NCOR1: variants seen among roughly 807,000 people sequenced by gnomAD.
NCOR1 encodes nuclear receptor corepressor 1.
In NCOR1, 63 loss-of-function variants were observed where a neutral mutation model predicts 288.1. The observed-to-expected ratio is 0.22, with a 90% CI of 0.18 to 0.27. The LOEUF (loss-of-function observed/expected upper bound fraction) is 0.27. Ranked by LOEUF, NCOR1 falls within the 10% of genes least tolerant of loss-of-function variation. The probability of loss-of-function intolerance (pLI) is 1.00; values close to 1 mark genes in which losing one functional copy is unlikely to be tolerated. For synonymous variants in NCOR1, 1,007 were observed against 1,065.9 expected (o/e 0.94, Z 1.08); for missense variants, 2,397 against 3,019.2 (o/e 0.79, Z 4.83).
At chr17:16,080,383 A>G (rs763765972) in intron 25 of NCOR1, 25 bp downstream of exon 25, 36 of 1,569,188 alleles carry the variant, frequency 2.3e-5, no homozygotes, top group Non-Finnish European at 3.1e-5. Flanking sequence ...AAAGTTTAAC[A>G]TTTCTGCCAA....
intron 14 of NCOR1, among the ~76,000 whole-genome samples, chr17:16,126,858 T>C (rs185251456): frequency 1.5e-4 from 23 of 152,284 alleles, no homozygotes; most frequent in South Asian, 1.2e-3. Context: ...TGAAACTAAG[T>C]GTGCAATGAA....
intron 9 of NCOR1, among the ~76,000 whole-genome samples, chr17:16,148,527 G>A (rs1177257906): frequency 2.0e-5 from 3 of 151,642 alleles, no homozygotes; most frequent in Non-Finnish European, 4.4e-5. Flanking sequence ...TAAGCAAATC[G>A]GTGAAAATAC....
At chr17:16,087,858 C>T (rs550478260) in intron 22 of NCOR1, among the ~76,000 whole-genome samples, 1 of 152,254 alleles carries the variant, frequency 6.6e-6, no homozygotes, top group African/African-American at 2.4e-5. Flanking sequence ...AATATAACTA[C>T]AATAATACTA....
rs1054870274 is a variant in NCOR1, at chr17:16,154,664, G to A, written c.733-1269C>T. Among the ~76,000 whole-genome samples the A allele has an allele frequency of 2.0e-5, 3 of 152,328 alleles. No individual in the cohort carries two copies. The East Asian group carries it at 5.8e-4, about 29-fold the overall frequency. Reference sequence around the variant, plus strand: ...GGGCAAGGGCCAGGCGGGTAAGCATGTAAACATCAATAAAGGCTTCGGCTA... The same window carrying A: ...GGGCAAGGGCCAGGCGGGTAAGCATATAAACATCAATAAAGGCTTCGGCTA... On this transcript the variant is annotated intron_variant, in intron 6 of 45. Coordinates refer to ENST00000268712, the MANE Select transcript of NCOR1 (RefSeq NM_006311.4).
At chr17:16,064,478 C>T (rs1481420350) in intron 34 of NCOR1, among the ~76,000 whole-genome samples, 1 of 151,882 alleles carries the variant, frequency 6.6e-6, no homozygotes, top group Non-Finnish European at 1.5e-5. Context: ...TGGCGCGCAC[C>T]TGTAATCCCA....
At chr17:16,110,777 C>T (rs2069942275) in intron 18 of NCOR1, among the ~76,000 whole-genome samples, 1 of 152,210 alleles carries the variant, frequency 6.6e-6, no homozygotes, top group Admixed American at 6.5e-5. Flanking sequence ...TAGGATCCAA[C>T]TAAAATATTA....
intron 8 of NCOR1, 135 bp downstream of exon 8, chr17:16,151,811 T>G: frequency 1.1e-6 from 1 of 944,268 alleles, no homozygotes; most frequent in Admixed American, 2.5e-5. Flanking sequence ...TAACATATAA[T>G]AAAACGACAG....
intron 18 of NCOR1, among the ~76,000 whole-genome samples, chr17:16,114,720 G>A (rs368740133): frequency 4.6e-5 from 7 of 152,222 alleles, no homozygotes; most frequent in Middle Eastern, 3.2e-3. Flanking sequence ...CGTCCAGGTC[G>A]TGCTGATGCA....
chr17:16,181,207 A>ATGTGTGTGTGTG (rs1422388328), intron 3 of NCOR1, among the ~76,000 whole-genome samples: 72 of 85,800 alleles, frequency 8.4e-4, no homozygotes, highest in East Asian at 7.2e-3. Flanking sequence ...ATACATATAT[A>ATGTGTGTGTGTG]TGTATGTGTG....
At position 16,067,945 on chromosome 17, in the gene NCOR1, G is replaced by A. The variant is rs2152697889; in HGVS notation, c.4690C>T (p.Leu1564=). The change falls in exon 32 of 46, where the codon CTG becomes TTG. Residue 1564 remains leucine, a synonymous_variant. Coordinates refer to ENST00000268712, the MANE Select transcript of NCOR1 (RefSeq NM_006311.4). ...ATGGCTGGATCCAAGTGCGTGGGCA[G>A]GTGGCTCCGATAAACCTCGCCTGCA... ...STAGEVYRSH[L]PTHLDPAMPF... is the part of the protein sequence containing the mutation. 6.2e-7 allele frequency: 1 copy of A among 1,614,212 alleles called. No individual in the cohort carries two copies. The highest frequency in any genetic ancestry group is 8.5e-7 in the Non-Finnish European group (1 of 1,180,034).
At chr17:16,087,395 A>T (rs994729486) in intron 22 of NCOR1, 1 of 1,223,918 alleles carries the variant, frequency 8.2e-7, no homozygotes, top group African/African-American at 1.6e-5. Flanking sequence ...AAATTAAAAT[A>T]GTAAGTGTGA....
At chr17:16,196,163 TATATA>T (rs1190005921) in intron 1 of NCOR1, among the ~76,000 whole-genome samples, 3 of 149,490 alleles carry the variant, frequency 2.0e-5, no homozygotes, top group African/African-American at 7.3e-5. Context: ...TATATAATTT[TATATA>T]TATAAAATCT....
chr17:16,137,887 A>C (rs1430352144), intron 13 of NCOR1: 4 of 356,954 alleles, frequency 1.1e-5, no homozygotes, highest in Non-Finnish European at 1.5e-5. Context: ...CTGATATTTT[A>C]ATTAGAAATT....
Position 16,065,928 on chromosome 17 carries a change from T to G in NCOR1, c.4742-234A>C, listed in dbSNP as rs1598106357. ...GGAAGGATAACAGTAGCTAAAAACT[T>G]CTCAAGTAGTTTTACTTTCAATCTT... is the stretch of plus-strand genomic sequence containing the variant. On this transcript the variant is annotated intron_variant, in intron 32 of 45. Coordinates refer to ENST00000268712, the MANE Select transcript of NCOR1 (RefSeq NM_006311.4). 6 of 521,948 alleles carry G rather than the reference T, an allele frequency of 1.1e-5. No homozygotes were observed. The East Asian group carries it at 1.9e-4, about 17-fold the overall frequency. 32.3% of individuals were successfully genotyped at this position (521,948 alleles called of 1,614,324 possible). A position where few individuals can be genotyped will look rare whatever the true frequency, so the allele number is the denominator to read the frequency against.
At chr17:16,080,109 G>A (rs1382548961) in intron 25 of NCOR1, 45 bp from the exon 26 acceptor site, 2 of 1,523,498 alleles carry the variant, frequency 1.3e-6, no homozygotes, top group South Asian at 1.1e-5. Flanking sequence ...CCCAGCCCCT[G>A]CCCCAAAACA....
chr17:16,057,568 T>C lies in NCOR1; in HGVS notation c.6338A>G (p.Gln2113Arg). 1 of 1,614,180 alleles carries C rather than the reference T, an allele frequency of 6.2e-7. No homozygotes were observed. The highest frequency in any genetic ancestry group is 8.5e-7 in the Non-Finnish European group (1 of 1,180,024). The change falls in exon 40 of 46, where the codon CAA (glutamine) becomes CGA (arginine). Residue 2113 changes from glutamine to arginine, a missense_variant. Gln to Arg is a conservative substitution (Grantham distance 43). Around this residue, in one of 11 missense-constraint regions of NCOR1, gnomAD observed 1,872 missense variants for 2,187.8 expected, o/e 0.86. Transcript: ENST00000268712. ...PESQAQSVHH[Q>R]RPGSRVSPEN... ...TGGAGAGACCCTTGAACCTGGTCTT[T>C]GATGATGGACAGACTGAGCCTGGGA... is the stretch of plus-strand genomic sequence containing the variant.
chr17:16,200,505 A>G (rs1447174264), intron 1 of NCOR1, among the ~76,000 whole-genome samples: 50 of 148,638 alleles, frequency 3.4e-4, no homozygotes, highest in African/African-American at 1.0e-3. Flanking sequence ...CAAAAAAAAA[A>G]AAAAAAAAAA....
At chr17:16,168,368 T>C (rs2082439726) in intron 4 of NCOR1, among the ~76,000 whole-genome samples, 1 of 151,864 alleles carries the variant, frequency 6.6e-6, no homozygotes, top group South Asian at 2.1e-4. Context: ...GTCCAGATAA[T>C]TTTTGTATTT....
chr17:16,094,574 CCCTCTCT>C (rs1320141425), intron 21 of NCOR1, among the ~76,000 whole-genome samples: 2 of 151,442 alleles, frequency 1.3e-5, no homozygotes, highest in East Asian at 1.9e-4. Context: ...CTCCCCTCTC[CCCTCTCT>C]CCTCCCCTTT....
Sources: allele counts gnomAD v4.1 joint callset (sites outside exome capture counted in the v4.1 genomes callset), GRCh38; gene constraint gnomAD v4.1.1; regional missense constraint gnomAD v4.1.1; transcripts MANE v1.5; gene names NCBI Gene and HGNC (gene_info 2026-07-23, HGNC 2026-07-21).